DPH6: variants seen among roughly 807,000 people sequenced by gnomAD.
DPH6 encodes diphthamine biosynthesis 6, also known as diphthine--ammonia ligase.
A neutral mutation model predicts 38.2 loss-of-function variants in DPH6; 33 were observed. That is an observed-to-expected ratio of 0.86 (90% CI 0.65 to 1.15). The LOEUF is 1.15. Among genes scored for constraint, DPH6 ranks in the 50% most tolerant of loss-of-function variants. The probability of loss-of-function intolerance (pLI) is 0.00; values close to 1 mark genes in which losing one functional copy is unlikely to be tolerated. For missense variants in DPH6, 325 were observed against 320.0 expected, an observed-to-expected ratio of 1.02 and a Z score of -0.12; for synonymous variants, 108 against 103.0, an observed-to-expected ratio of 1.05 and a Z score of -0.30.
chr15:35,237,417 A>C, intron 3 of DPH6: 1 of 1,605,632 alleles, frequency 6.2e-7, no homozygotes, highest in East Asian at 2.2e-5. Context: ...CGGTCGAATG[A>C]AGGCAAACTC....
At chr15:35,243,034 A>C (rs192232085) in intron 3 of DPH6, among the ~76,000 whole-genome samples, 1 of 141,856 alleles carries the variant, frequency 7.0e-6, no homozygotes, top group African/African-American at 2.6e-5. Context: ...ACTATGCTGA[A>C]CCTCCGTAGG....
chr15:35,504,055 A>C (rs2054662221), intron 3 of DPH6, among the ~76,000 whole-genome samples: 1 of 152,040 alleles, frequency 6.6e-6, no homozygotes, highest in Admixed American at 6.6e-5. Context: ...AGATAACTTA[A>C]TTTCAAGATC....
intron 3 of DPH6, among the ~76,000 whole-genome samples, chr15:35,253,585 T>G (rs2051688631): frequency 6.6e-6 from 1 of 152,188 alleles, no homozygotes; most frequent in South Asian, 2.1e-4. Context: ...ATTTGATGGT[T>G]TCAAAACTCT....
chr15:35,356,938 G>A (rs944177727), intron 3 of DPH6, among the ~76,000 whole-genome samples: 14 of 152,262 alleles, frequency 9.2e-5, no homozygotes, highest in Admixed American at 8.5e-4. Flanking sequence ...CACTCAGTTC[G>A]AGCTTCCTGG....
At chr15:35,462,737 A>G (rs938158551) in intron 3 of DPH6, among the ~76,000 whole-genome samples, 2 of 152,178 alleles carry the variant, frequency 1.3e-5, no homozygotes, top group African/African-American at 4.8e-5. Context: ...TTTTTTAAAA[A>G]TTAAATATTT....
chr15:35,194,929 A>G, the DPH6 span, among the ~76,000 whole-genome samples: 1 of 152,222 alleles, frequency 6.6e-6, no homozygotes, highest in African/African-American at 2.4e-5. Flanking sequence ...GAGCATTTGA[A>G]TTATTTTCTT....
chr15:35,262,502 G>T (rs1056589837), intron 3 of DPH6, among the ~76,000 whole-genome samples: 1 of 151,926 alleles, frequency 6.6e-6, no homozygotes. Context: ...GTCAGGAGAT[G>T]AAGACCATCC....
chr15:35,457,101 G>C (rs886877521), intron 3 of DPH6, among the ~76,000 whole-genome samples: 4 of 151,830 alleles, frequency 2.6e-5, no homozygotes, highest in African/African-American at 2.4e-5. Context: ...CTACAGACGT[G>C]TACCACCATG....
chr15:35,196,497 G>T, the DPH6 span, among the ~76,000 whole-genome samples: 1 of 152,178 alleles, frequency 6.6e-6, no homozygotes, highest in Non-Finnish European at 1.5e-5. Context: ...TGGTAAGTAT[G>T]CTGGGAGAAG....
intron 3 of DPH6, among the ~76,000 whole-genome samples, chr15:35,473,584 C>G (rs941448506): frequency 6.6e-6 from 1 of 151,966 alleles, no homozygotes; most frequent in African/African-American, 2.4e-5. Context: ...TATATTGGTA[C>G]GCATATACCA....
chr15:35,290,291 G>C (rs568836872), intron 3 of DPH6, among the ~76,000 whole-genome samples: 2 of 152,286 alleles, frequency 1.3e-5, no homozygotes, highest in African/African-American at 2.4e-5. Flanking sequence ...CTTCCAGCGA[G>C]ACCCAATCCC....
chr15:35,362,523 C>T (rs1450372963), intron 3 of DPH6, among the ~76,000 whole-genome samples: 2 of 152,166 alleles, frequency 1.3e-5, no homozygotes, highest in Non-Finnish European at 2.9e-5. Context: ...TTATTATTGC[C>T]AGTTTTCAGG....
downstream of DPH6, among the ~76,000 whole-genome samples, chr15:35,329,245 T>C (rs563211535): frequency 6.6e-6 from 1 of 152,304 alleles, no homozygotes; most frequent in African/African-American, 2.4e-5. Flanking sequence ...TCAGAATGTA[T>C]TGATTTCTAA....
intron 3 of DPH6, among the ~76,000 whole-genome samples, chr15:35,529,966 T>G (rs1402745581): frequency 6.6e-6 from 1 of 152,156 alleles, no homozygotes; most frequent in Non-Finnish European, 1.5e-5. Flanking sequence ...ATTTAATGAT[T>G]TAGGCACGAC....
the DPH6 span, among the ~76,000 whole-genome samples, chr15:35,177,604 ATC>A: frequency 0.097 from 11,773 of 121,874 alleles, 1,019 homozygotes; most frequent in East Asian, 0.22. Context: ...AAAAAAAATC[ATC>A]ATCATCATCA....
chr15:35,237,961 T>C, intron 3 of DPH6: 1 of 1,422,266 alleles, frequency 7.0e-7, no homozygotes. Context: ...GTTATAACGA[T>C]GGAGAGGTTG....
At chr15:35,520,683 T>A (rs2054911480) in intron 3 of DPH6, 1 of 985,012 alleles carries the variant, frequency 1.0e-6, no homozygotes, top group Non-Finnish European at 1.2e-6. Flanking sequence ...ATATCCTGAA[T>A]TGCTGAACCT....
the DPH6 span, among the ~76,000 whole-genome samples, chr15:35,183,024 C>CTG: frequency 5.6e-3 from 860 of 152,284 alleles, 5 homozygotes; most frequent in African/African-American, 0.019. Context: ...AGAACTGAAA[C>CTG]TGAGAACTCT....
chr15:35,382,019 C>A, intron 6 of DPH6, 103 bp from the exon 7 acceptor site: 1 of 815,448 alleles, frequency 1.2e-6, no homozygotes, highest in Non-Finnish European at 2.0e-6. Context: ...AACTTTAATT[C>A]CAAAATAGTT....
Sources: allele counts gnomAD v4.1 joint callset (sites outside exome capture counted in the v4.1 genomes callset), GRCh38; gene constraint gnomAD v4.1.1; transcripts MANE v1.5; gene names NCBI Gene and HGNC (gene_info 2026-07-23, HGNC 2026-07-21).